Variants in OR2A25 observed in about 807,000 individuals in gnomAD.
OR2A25 encodes olfactory receptor 2A25.
For missense variants in OR2A25, 362 were observed against 368.3 expected (o/e 0.98, Z 0.14); for synonymous variants, 162 against 148.1 (o/e 1.09, Z -0.68).
rs1286911100 is a variant in OR2A25, at chr7:144,075,614, G to C, written c.*462G>C. 1.3e-5 allele frequency: 2 copies of C among 153,056 alleles called. No homozygotes were observed. Among genetic ancestry groups the C allele is most frequent in the African/African-American group, 4.8e-5 (2 of 41,392 alleles). The allele number at this position is 153,056 out of a possible 1,614,324, so 9.5% of individuals were successfully genotyped here. A position where few individuals can be genotyped will look rare whatever the true frequency, so the allele number is the denominator to read the frequency against. The stretch of plus-strand genomic sequence containing the variant: ...GGAGGCCGAGACAGGTGGATCACGC[G>C]GTCAGGAGACCGAGACCATCTTGGC... On this transcript the variant is annotated 3_prime_UTR_variant, in exon 2 of 2. Coordinates refer to ENST00000641663, the MANE Select transcript of OR2A25 (RefSeq NM_001386096.1).
rs2051098649 is a variant in OR2A25 at position 144,074,804 on chromosome 7, G to A, written c.585G>A (p.Glu195=). 15 of 1,614,176 alleles carry A rather than the reference G, an allele frequency of 9.3e-6. No homozygotes were observed. Among genetic ancestry groups the A allele is most frequent in the Non-Finnish European group, 1.1e-5 (13 of 1,180,028 alleles). ...CCTGTGCGGATACCCACATTAATGA[G>A]GTAATGGTTTTGGCAGGGGCAGTGT... ...KLACADTHIN[E]VMVLAGAVSV... The change falls in exon 2 of 2, where the codon GAG becomes GAA. Residue 195 remains glutamate (E), a synonymous_variant. Transcript: ENST00000641663.
Position 144,074,845 on chromosome 7 carries a change from C to A in OR2A25, c.626C>A (p.Ala209Asp), listed in dbSNP as rs766917683. The A allele has an allele frequency of 1.2e-6, 2 of 1,614,104 alleles. No individual in the cohort carries two copies. The highest frequency in any genetic ancestry group is 1.1e-5 in the South Asian group (1 of 91,070). ...GGGGCAGTGTCTGTGCTGGTGGGAG[C>A]CTTCTTTTCCACTGTAATATCTTAT... is the stretch of plus-strand genomic sequence containing the variant. ...LAGAVSVLVG[A>D]FFSTVISYVH... is the part of the protein sequence containing the mutation. The change falls in exon 2 of 2, where the codon GCC (alanine) becomes GAC (aspartate). Residue 209 changes from alanine (A) to aspartate (D), a missense_variant. Ala to Asp is a moderately radical substitution (Grantham distance 126, BLOSUM62 -2). Coordinates refer to ENST00000641663, the MANE Select transcript of OR2A25 (RefSeq NM_001386096.1).
At chr7:144,072,389 G>T (rs1268473827) in intron 1 of OR2A25, among the ~76,000 whole-genome samples, 1 of 151,880 alleles carries the variant, frequency 6.6e-6, no homozygotes, top group African/African-American at 2.4e-5. Flanking sequence ...ATAATAAGTA[G>T]TTATTTATTT....
Position 144,075,502 on chromosome 7 carries a change from C to A in OR2A25, c.*350C>A, listed in dbSNP as rs895615679. ...ATAAGGATATGGGAGTTAGGAGAGACTGATAACAAAGTCATTATTTAATTA... is the reference window on the plus strand; with the variant it reads ...ATAAGGATATGGGAGTTAGGAGAGAATGATAACAAAGTCATTATTTAATTA... On this transcript the variant is annotated 3_prime_UTR_variant, in exon 2 of 2. Transcript: ENST00000641663. The A allele has an allele frequency of 1.8e-5, 3 of 168,036 alleles. No homozygotes were observed. The highest frequency in any genetic ancestry group is 1.7e-4 in the Admixed American group (3 of 17,202). 10.4% of individuals were successfully genotyped at this position (168,036 alleles called of 1,614,324 possible).
In OR2A25 at chr7:144,075,601, A is replaced by G. The variant is rs541940419; in HGVS notation, c.*449A>G. On this transcript the variant is annotated 3_prime_UTR_variant, in exon 2 of 2. Transcript: ENST00000641663. ...TCCCAGCACTTTGGGAGGCCGAGAC[A>G]GGTGGATCACGCGGTCAGGAGACCG... 686 of 153,664 alleles carry G rather than the reference A, an allele frequency of 4.5e-3. 1 individual carries two copies. Among genetic ancestry groups the G allele is most frequent in the Non-Finnish European group, 7.3e-3 (501 of 69,034 alleles). 9.5% of individuals were successfully genotyped at this position (153,664 alleles called of 1,614,324 possible). A position where few individuals can be genotyped will look rare whatever the true frequency, so the allele number is the denominator to read the frequency against.
Position 144,074,682 on chromosome 7 carries a change from G to A in OR2A25, c.463G>A (p.Ala155Thr), listed in dbSNP as rs1187005852. Reference protein sequence around the residue: ...LTSWILGVLLALVHLVLLLPL... With the variant: ...LTSWILGVLLTLVHLVLLLPL... ...TTCCTGGATTTTAGGAGTCTTATTG[G>A]CCCTTGTCCATCTAGTGTTACTGCT... Residue 155 changes from alanine (A) to threonine (T), a missense_variant, in exon 2 of 2, where the codon GCC becomes ACC. Ala to Thr is a moderately conservative substitution (Grantham distance 58, BLOSUM62 0). Coordinates refer to ENST00000641663, the MANE Select transcript of OR2A25 (RefSeq NM_001386096.1). 7 of 1,614,078 alleles carry A rather than the reference G, an allele frequency of 4.3e-6. No homozygotes were observed. The highest frequency in any genetic ancestry group is 5.9e-6 in the Non-Finnish European group (7 of 1,180,004).
At chr7:144,073,444 A>C (rs2051082401) in intron 1 of OR2A25, among the ~76,000 whole-genome samples, 1 of 151,818 alleles carries the variant, frequency 6.6e-6, no homozygotes, top group Non-Finnish European at 1.5e-5. Context: ...TAAATAATAT[A>C]AATACACATT....
chr7:144,073,346 T>G (rs922209815), intron 1 of OR2A25, among the ~76,000 whole-genome samples: 1 of 152,070 alleles, frequency 6.6e-6, no homozygotes, highest in Non-Finnish European at 1.5e-5. Flanking sequence ...AATTATCGCA[T>G]GTACCCTAAA....
intron 1 of OR2A25, 26 bp downstream of exon 1, chr7:144,069,922 T>A (rs1367618845): frequency 6.6e-6 from 1 of 152,016 alleles, no homozygotes; most frequent in Admixed American, 6.6e-5. Context: ...TATTTTGGAG[T>A]TCCTGAAACT....
chr7:144,072,613 G>A (rs529140250), intron 1 of OR2A25, among the ~76,000 whole-genome samples: 1 of 152,130 alleles, frequency 6.6e-6, no homozygotes, highest in African/African-American at 2.4e-5. Context: ...CACAGAGTAA[G>A]GATTCAATTG....
Position 144,074,390 on chromosome 7 carries a change from C to A in OR2A25, c.171C>A (p.Pro57=), listed in dbSNP as rs1200605777. 1 of 1,614,168 alleles carries A rather than the reference C, an allele frequency of 6.2e-7. No individual in the cohort carries two copies. Among genetic ancestry groups the A allele is most frequent in the Non-Finnish European group, 8.5e-7 (1 of 1,180,014 alleles). ...CACTGGACTCCAGACTCCACACCCCCATGTACTTCTTCCTCTCACACCTGG... is the reference window on the plus strand; with the variant it reads ...CACTGGACTCCAGACTCCACACCCCAATGTACTTCTTCCTCTCACACCTGG... The part of the protein sequence containing the change: ...LISLDSRLHT[P]MYFFLSHLAV... The change falls in exon 2 of 2, where the codon CCC becomes CCA. Residue 57 remains proline, a synonymous_variant. Coordinates refer to ENST00000641663, the MANE Select transcript of OR2A25 (RefSeq NM_001386096.1).
At chr7:144,070,894 G>A (rs928631193) in intron 1 of OR2A25, among the ~76,000 whole-genome samples, 14 of 151,820 alleles carry the variant, frequency 9.2e-5, no homozygotes, top group African/African-American at 2.2e-4. Context: ...ATACAGGCAC[G>A]CAATGTGAAA....
Position 144,075,319 on chromosome 7 carries a change from G to C in OR2A25, c.*167G>C. The C allele has an allele frequency of 1.7e-6, 1 of 584,042 alleles. No individual in the cohort carries two copies. Among genetic ancestry groups the C allele is most frequent in the Admixed American group, 3.0e-5 (1 of 32,830 alleles). 36.2% of individuals were successfully genotyped at this position (584,042 alleles called of 1,614,324 possible). A position where few individuals can be genotyped will look rare whatever the true frequency, so the allele number is the denominator to read the frequency against. On this transcript the variant is annotated 3_prime_UTR_variant, in exon 2 of 2. Coordinates refer to ENST00000641663, the MANE Select transcript of OR2A25 (RefSeq NM_001386096.1). Reference sequence around the variant, plus strand: ...AGCCCATTCTGCTTTCCTCTCTCCAGCATTGAAGGTCGGAGCTGCACAATT... The same window carrying C: ...AGCCCATTCTGCTTTCCTCTCTCCACCATTGAAGGTCGGAGCTGCACAATT...
At chr7:144,071,845 C>G (rs1482125851) in intron 1 of OR2A25, among the ~76,000 whole-genome samples, 1 of 152,018 alleles carries the variant, frequency 6.6e-6, no homozygotes, top group African/African-American at 2.4e-5. Context: ...GTGAATAACA[C>G]TTTTCTATAC....
rs2051094973 is a variant in OR2A25, at chr7:144,074,567, G to A, written c.348G>A (p.Val116=). Residue 116 remains valine (V), a synonymous_variant, in exon 2 of 2, where the codon GTG becomes GTA. Coordinates refer to ENST00000641663, the MANE Select transcript of OR2A25 (RefSeq NM_001386096.1). ...ATACAGAATGTCTCCTCCTGGTGGT[G>A]ATGTCCTATGATCGGTACGTGGCCA... ...FAHTECLLLV[V]MSYDRYVAIC... is the part of the protein sequence containing the mutation. 1.2e-6 allele frequency: 2 copies of A among 1,614,096 alleles called. No individual in the cohort carries two copies. The highest frequency in any genetic ancestry group is 3.3e-5 in the Admixed American group (2 of 60,010).
Position 144,074,876 on chromosome 7 carries a change from TATTCTATGTGCC to T in OR2A25, c.664_675del (p.Cys222_Leu225del), listed in dbSNP as rs761944089. The stretch of plus-strand genomic sequence containing the variant: ...TTTCCACTGTAATATCTTATGTTCA[TATTCTATGTGCC>T]ATTCTAAAGATCCAGTCAGGAGAGG... On this transcript the variant is annotated inframe_deletion, in exon 2 of 2. Transcript: ENST00000641663. 59 of 1,614,216 alleles carry T rather than the reference TATTCTATGTGCC, an allele frequency of 3.7e-5. 1 individual carries two copies. The South Asian group carries it at 6.4e-4, about 17-fold the overall frequency.
Position 144,075,029 on chromosome 7 carries a change from G to C in OR2A25, c.810G>C (p.Lys270Asn), listed in dbSNP as rs755292380. ...EPQYESPKEQ[K>N]KYLLLFHSLF... The stretch of plus-strand genomic sequence containing the variant: ...AGTATGAGAGCCCCAAGGAGCAGAA[G>C]AAATATCTCCTGCTGTTTCACAGCC... The change falls in exon 2 of 2, where the codon AAG becomes AAC. Residue 270 changes from lysine (K) to asparagine (N), a missense_variant. Transcript: ENST00000641663. 2.5e-6 allele frequency: 4 copies of C among 1,614,130 alleles called. No homozygotes were observed. In the South Asian group the frequency reaches 3.3e-5, roughly 13 times the overall value.
intron 1 of OR2A25, among the ~76,000 whole-genome samples, chr7:144,072,550 A>G (rs2128800116): frequency 6.6e-6 from 1 of 152,080 alleles, no homozygotes; most frequent in East Asian, 1.9e-4. Context: ...CAGCACTTTT[A>G]CTAATGAAAT....
intron 1 of OR2A25, among the ~76,000 whole-genome samples, chr7:144,072,458 G>T (rs1461961823): frequency 6.6e-6 from 1 of 152,050 alleles, no homozygotes; most frequent in East Asian, 1.9e-4. Context: ...ATAAGTATAT[G>T]GTTAGAGTTT....
Sources: gnomAD v4.1 joint callset for allele counts (sites outside exome capture counted in the v4.1 genomes callset) on GRCh38, gnomAD v4.1.1 for gene constraint, MANE v1.5 for transcripts, NCBI Gene and HGNC (gene_info 2026-07-23, HGNC 2026-07-21) for gene names.